Variants in NEURL1B observed in about 807,000 individuals in gnomAD.
The protein encoded by NEURL1B is E3 ubiquitin-protein ligase NEURL1B.
In NEURL1B, 13 loss-of-function variants were observed where a neutral mutation model predicts 37.4. The observed-to-expected ratio is 0.35, with a 90% CI of 0.23 to 0.55. NEURL1B has a LOEUF of 0.55. NEURL1B is among the 20% of genes least tolerant of loss of function. NEURL1B has a pLI of 0.89. For synonymous variants in NEURL1B, 432 were observed against 426.6 expected (o/e 1.01, Z -0.16); for missense variants, 790 against 879.2 (o/e 0.90, Z 1.28).
rs1758619273 is a variant in NEURL1B at position 172,690,295 on chromosome 5, G to A, written c.*3370G>A. 6.6e-6 allele frequency: 1 copy of A among 152,214 alleles called. No individual in the cohort carries two copies. Among genetic ancestry groups the A allele is most frequent in the African/African-American group, 2.4e-5 (1 of 41,440 alleles). The allele number at this position is 152,214 out of a possible 1,614,324, so 9.4% of individuals were successfully genotyped here. A position where few individuals can be genotyped will look rare whatever the true frequency, so the allele number is the denominator to read the frequency against. On this transcript the variant is annotated 3_prime_UTR_variant, in exon 5 of 5. Transcript: ENST00000369800. The stretch of plus-strand genomic sequence containing the variant: ...CCTGGGATGGAGCTGCTCCCCTCAC[G>A]GCAGCACCACGTTTCCAGTCCCTCG...
At chr5:172,669,653 C>A (rs991389551) in intron 1 of NEURL1B, 132 bp from the exon 2 acceptor site, 8 of 697,232 alleles carry the variant, frequency 1.1e-5, no homozygotes, top group Non-Finnish European at 1.6e-5. Flanking sequence ...AAGCCTGGAA[C>A]CTTCTTAAGT....
At chr5:172,677,244 C>T (rs1027059629) in intron 2 of NEURL1B, among the ~76,000 whole-genome samples, 3 of 152,124 alleles carry the variant, frequency 2.0e-5, no homozygotes, top group Non-Finnish European at 4.4e-5. Context: ...CTCACCCCAG[C>T]GTAAATCATT....
In NEURL1B at chr5:172,661,305, G is replaced by C. The variant is rs542182245; in HGVS notation, c.32-8480G>C. Among the ~76,000 whole-genome samples the C allele has an allele frequency of 1.5e-4, 23 of 152,268 alleles. 1 individual carries two copies. Among genetic ancestry groups the C allele is most frequent in the Admixed American group, 1.2e-3 (19 of 15,292 alleles). On this transcript the variant is annotated intron_variant, in intron 1 of 4. Coordinates refer to ENST00000369800, the MANE Select transcript of NEURL1B (RefSeq NM_001142651.3). This position sits in a 1 kb window ranked among gnomAD's most constrained non-coding sequence, Gnocchi z 4.0. ...TATGTTTCTGGGGGGAAACCCTGAA[G>C]TTGAATATCAGATTGTGCATGGAGT... is the stretch of plus-strand genomic sequence containing the variant.
At position 172,686,912 on chromosome 5, in the gene NEURL1B, T is replaced by C. The variant is rs1433873643; in HGVS notation, c.1655T>C (p.Ile552Thr). ...CGGCCCATCAAGGACGTCATTAAGA[T>C]CTACAGGCCATAGCCTAGCCTGCCC... Reference protein sequence around the residue: ...CRRPIKDVIKIYRP With the variant: ...CRRPIKDVIKTYRP The change falls in exon 5 of 5, where the codon ATC becomes ACC. Residue 552 changes from isoleucine to threonine, a missense_variant. Coordinates refer to ENST00000369800, the MANE Select transcript of NEURL1B (RefSeq NM_001142651.3). This position sits in a 1 kb window ranked among gnomAD's most constrained non-coding sequence, Gnocchi z 7.9. 6.5e-7 allele frequency: 1 copy of C among 1,548,604 alleles called. No individual in the cohort carries two copies. The highest frequency in any genetic ancestry group is 2.0e-5 in the Admixed American group (1 of 50,958).
chr5:172,686,772 G>C lies in NEURL1B; in HGVS notation c.1515G>C (p.Val505=), dbSNP rs1203890918. Residue 505 remains valine (V), a synonymous_variant, in exon 5 of 5, where the codon GTG becomes GTC. Transcript: ENST00000369800. The surrounding 1 kb of genome is among the most constrained non-coding windows in gnomAD (Gnocchi z 7.9). The part of the protein sequence containing the change: ...PAGIKNGECT[V]CFDGEVDTVI... ...GCATCAAGAATGGCGAGTGCACGGTGTGCTTCGATGGCGAGGTGGACACGG... is the reference window on the plus strand; with the variant it reads ...GCATCAAGAATGGCGAGTGCACGGTCTGCTTCGATGGCGAGGTGGACACGG... The C allele has an allele frequency of 6.4e-7, 1 of 1,551,674 alleles. No homozygotes were observed. Among genetic ancestry groups the C allele is most frequent in the African/African-American group, 1.4e-5 (1 of 73,058 alleles).
chr5:172,643,638 A>T lies in NEURL1B; in HGVS notation c.31+2201A>T, dbSNP rs78573684. ...GTATCCCTGGTTGCCCATCCCAGAGACTGGTGCCTGGCAAGGGCTCAAAAA... is the reference window on the plus strand; with the variant it reads ...GTATCCCTGGTTGCCCATCCCAGAGTCTGGTGCCTGGCAAGGGCTCAAAAA... On this transcript the variant is annotated intron_variant, in intron 1 of 4. Transcript: ENST00000369800. Among the ~76,000 whole-genome samples the T allele has an allele frequency of 5.7e-3, 873 of 152,120 alleles. 8 individuals carry two copies. The highest frequency in any genetic ancestry group is 0.02 in the African/African-American group (830 of 41,486).
intron 2 of NEURL1B, among the ~76,000 whole-genome samples, chr5:172,681,042 G>A (rs910866381): frequency 5.3e-5 from 8 of 152,312 alleles, no homozygotes; most frequent in East Asian, 3.9e-4. Context: ...AGGGGAAGTA[G>A]GCACAGCTTA....
Position 172,683,438 on chromosome 5 carries a change from G to GCTGACGCCC in NEURL1B, c.598_606dup (p.Leu200_Pro202dup), listed in dbSNP as rs1280114268. The GCTGACGCCC allele has an allele frequency of 1.4e-6, 2 of 1,435,276 alleles. No individual in the cohort carries two copies. The highest frequency in any genetic ancestry group is 5.7e-5 in the East Asian group (2 of 35,350). 88.9% of individuals were successfully genotyped at this position (1,435,276 alleles called of 1,614,324 possible). A position where few individuals can be genotyped will look rare whatever the true frequency, so the allele number is the denominator to read the frequency against. On this transcript the variant is annotated inframe_insertion, in exon 3 of 5. Coordinates refer to ENST00000369800, the MANE Select transcript of NEURL1B (RefSeq NM_001142651.3). This position sits in a 1 kb window ranked among gnomAD's most constrained non-coding sequence, Gnocchi z 5.6. Reference sequence around the variant, plus strand: ...GCACAGAGAGCGCCTTCGCTGACACGCTGACGCCCGCGCGCCTCAGCCAGG... The same window carrying GCTGACGCCC: ...GCACAGAGAGCGCCTTCGCTGACACGCTGACGCCCCTGACGCCCGCGCGCCTCAGCCAGG...
intron 1 of NEURL1B, among the ~76,000 whole-genome samples, chr5:172,650,295 A>G (rs1757637773): frequency 6.6e-6 from 1 of 152,152 alleles, no homozygotes; most frequent in African/African-American, 2.4e-5. Context: ...GGTCCATTCA[A>G]GGGCAGGAGA....
chr5:172,646,593 G>C (rs2113255068), intron 1 of NEURL1B, among the ~76,000 whole-genome samples: 1 of 152,318 alleles, frequency 6.6e-6, no homozygotes, highest in Non-Finnish European at 1.5e-5. Flanking sequence ...CTGGTGGGTT[G>C]CATTTACAGT....
chr5:172,650,236 A>G (rs529568622), intron 1 of NEURL1B, among the ~76,000 whole-genome samples: 2 of 152,216 alleles, frequency 1.3e-5, no homozygotes, highest in East Asian at 3.9e-4. Flanking sequence ...TTCCAGTCCA[A>G]ACAAGCAGAT....
At chr5:172,645,938 T>TA (rs576132398) in intron 1 of NEURL1B, among the ~76,000 whole-genome samples, 185 of 152,272 alleles carry the variant, frequency 1.2e-3, no homozygotes, top group African/African-American at 3.9e-3. Flanking sequence ...TGACCAGCTG[T>TA]AAAAAAAATC....
Position 172,686,739 on chromosome 5 carries a change from G to A in NEURL1B, c.1482G>A (p.Glu494=). The A allele has an allele frequency of 6.4e-7, 1 of 1,551,596 alleles. No homozygotes were observed. The highest frequency in any genetic ancestry group is 8.7e-7 in the Non-Finnish European group (1 of 1,147,072). Residue 494 remains glutamate (E), a synonymous_variant, in exon 5 of 5, where the codon GAG becomes GAA. Coordinates refer to ENST00000369800, the MANE Select transcript of NEURL1B (RefSeq NM_001142651.3). The surrounding 1 kb of genome is among the most constrained non-coding windows in gnomAD (Gnocchi z 7.9). ...TGTCCCCCGTGTTCTCCCCACCGGA[G>A]CCGGCAGGCATCAAGAATGGCGAGT... ...PPVSPVFSPP[E]PAGIKNGECT...
At chr5:172,678,806 T>C (rs1330568087) in intron 2 of NEURL1B, among the ~76,000 whole-genome samples, 1 of 152,252 alleles carries the variant, frequency 6.6e-6, no homozygotes, top group Non-Finnish European at 1.5e-5. Context: ...GATTGATGGA[T>C]ATGTTTCTCT....
chr5:172,669,327 T>C (rs949821952), intron 1 of NEURL1B, among the ~76,000 whole-genome samples: 17 of 152,180 alleles, frequency 1.1e-4, no homozygotes, highest in Non-Finnish European at 1.5e-5. Context: ...TTTGGATGAT[T>C]TGCACAGAGA....
At position 172,683,432 on chromosome 5, in the gene NEURL1B, T is replaced by C. The variant is rs375931383; in HGVS notation, c.591T>C (p.Ala197=). ...TTGTCCGCACAGAGAGCGCCTTCGC[T>C]GACACGCTGACGCCCGCGCGCCTCA... is the stretch of plus-strand genomic sequence containing the variant. The part of the protein sequence containing the change: ...DEVQLLESAF[A]DTLTPARLSQ... Residue 197 remains alanine (A), a synonymous_variant, in exon 3 of 5, where the codon GCT becomes GCC. Coordinates refer to ENST00000369800, the MANE Select transcript of NEURL1B (RefSeq NM_001142651.3). This position sits in a 1 kb window ranked among gnomAD's most constrained non-coding sequence, Gnocchi z 5.6. The C allele has an allele frequency of 7.1e-7, 1 of 1,417,630 alleles. No homozygotes were observed. Among genetic ancestry groups the C allele is most frequent in the Admixed American group, 2.7e-5 (1 of 36,714 alleles). The allele number at this position is 1,417,630 out of a possible 1,614,324, so 87.8% of individuals were successfully genotyped here.
At chr5:172,655,999 T>G (rs564771304) in intron 1 of NEURL1B, among the ~76,000 whole-genome samples, 4 of 152,338 alleles carry the variant, frequency 2.6e-5, no homozygotes, top group Admixed American at 2.6e-4. Context: ...GGGTACATCC[T>G]TACAGATGGA....
intron 2 of NEURL1B, among the ~76,000 whole-genome samples, chr5:172,679,675 G>T (rs1758307998): frequency 6.6e-6 from 1 of 152,198 alleles, no homozygotes; most frequent in Admixed American, 6.5e-5. Context: ...CGTGTGCCAG[G>T]TACCCAGCAC....
intron 1 of NEURL1B, among the ~76,000 whole-genome samples, chr5:172,651,983 G>A (rs539359438): frequency 3.9e-5 from 6 of 152,286 alleles, no homozygotes; most frequent in African/African-American, 9.6e-5. Flanking sequence ...GTTATTCGGC[G>A]GAGTGTCCAG....
Sources: allele counts gnomAD v4.1 joint callset (sites outside exome capture counted in the v4.1 genomes callset), GRCh38; gene constraint gnomAD v4.1.1; non-coding constraint Gnocchi (gnomAD v3.1); transcripts MANE v1.5; gene names NCBI Gene and HGNC (gene_info 2026-07-23, HGNC 2026-07-21).